Variants in CTNNA3 observed in about 807,000 individuals in gnomAD.
CTNNA3 encodes the protein catenin alpha 3, also known as catenin alpha-3.
Under a neutral mutation model 95.7 loss-of-function variants are expected in CTNNA3, and 76 were observed. The ratio of observed to expected loss-of-function variants is 0.79; its 90% CI spans 0.66 to 0.96. The LOEUF is 0.96. Among genes scored for constraint, CTNNA3 ranks in the 40% least tolerant of loss-of-function variants. The pLI is 0.00. For synonymous variants in CTNNA3, 431 were observed against 374.4 expected (o/e 1.15, Z -1.74); for missense variants, 1,191 against 1,089.8 (o/e 1.09, Z -1.31).
intron 7 of CTNNA3, among the ~76,000 whole-genome samples, chr10:66,996,383 C>T (rs549018092): frequency 5.9e-5 from 9 of 152,172 alleles, no homozygotes; most frequent in East Asian, 3.9e-4. Context: ...CAATGGCTCA[C>T]GCCTGTAATC....
chr10:66,839,833 C>T (rs528406530), intron 7 of CTNNA3, among the ~76,000 whole-genome samples: 56 of 152,128 alleles, frequency 3.7e-4, no homozygotes, highest in Middle Eastern at 6.8e-3. Context: ...GTTTTTCTGT[C>T]TTAATAATTT....
chr10:66,715,921 TA>T (rs1248558918), intron 9 of CTNNA3, among the ~76,000 whole-genome samples: 1 of 151,374 alleles, frequency 6.6e-6, no homozygotes, highest in Non-Finnish European at 1.5e-5. Flanking sequence ...AAAATAAAAT[TA>T]TTTTTTTCAT....
chr10:67,693,583 T>A (rs7893446), intron 1 of CTNNA3, among the ~76,000 whole-genome samples: 1 of 152,018 alleles, frequency 6.6e-6, no homozygotes, highest in East Asian at 1.9e-4. Context: ...TAGCTATGGT[T>A]TTTCTCTAAA....
intron 7 of CTNNA3, among the ~76,000 whole-genome samples, chr10:67,145,680 T>C (rs1860805783): frequency 6.6e-6 from 1 of 152,042 alleles, no homozygotes; most frequent in South Asian, 2.1e-4. Context: ...CCACCTGCCT[T>C]GGCCTCCCAA....
intron 16 of CTNNA3, among the ~76,000 whole-genome samples, chr10:65,972,568 G>C (rs2078126156): frequency 6.6e-6 from 1 of 151,902 alleles, no homozygotes; most frequent in East Asian, 1.9e-4. Context: ...ACCAAATCAA[G>C]AACTCAACTC....
intron 3 of CTNNA3, among the ~76,000 whole-genome samples, chr10:67,556,867 T>C (rs888927545): frequency 6.6e-6 from 1 of 152,220 alleles, no homozygotes; most frequent in South Asian, 2.1e-4. Context: ...TTTTGGATCT[T>C]TCCTGCTTTC....
intron 13 of CTNNA3, among the ~76,000 whole-genome samples, chr10:66,127,522 G>A (rs1268401749): frequency 6.6e-6 from 1 of 151,894 alleles, no homozygotes; most frequent in Non-Finnish European, 1.5e-5. Context: ...CCTGAAAACT[G>A]TCAAGTTCGC....
chr10:66,407,583 C>A (rs1470423030), intron 11 of CTNNA3, among the ~76,000 whole-genome samples: 2 of 129,768 alleles, frequency 1.5e-5, no homozygotes, highest in African/African-American at 3.4e-5. Flanking sequence ...ACAACTTTTA[C>A]ATATTTTTTT....
chr10:66,600,373 T>G (rs979681002), intron 10 of CTNNA3, among the ~76,000 whole-genome samples: 9 of 151,852 alleles, frequency 5.9e-5, no homozygotes, highest in African/African-American at 2.2e-4. Flanking sequence ...CTCATGTGCG[T>G]GTTCAAGGGA....
chr10:66,507,925 A>G (rs1840508622), intron 11 of CTNNA3, among the ~76,000 whole-genome samples: 1 of 149,044 alleles, frequency 6.7e-6, no homozygotes, highest in African/African-American at 2.5e-5. Context: ...AGAAACCTCA[A>G]TAGTATTTTC....
At chr10:66,361,900 T>G (rs1028234751) in intron 12 of CTNNA3, among the ~76,000 whole-genome samples, 33 of 151,964 alleles carry the variant, frequency 2.2e-4, no homozygotes, top group Middle Eastern at 6.3e-3. Flanking sequence ...TCCACTTACC[T>G]TCTGTTTCTT....
intron 5 of CTNNA3, among the ~76,000 whole-genome samples, chr10:67,260,317 T>C (rs865900472): frequency 7.5e-4 from 114 of 152,336 alleles, no homozygotes; most frequent in Middle Eastern, 3.4e-3. Flanking sequence ...GGAAGTCTTA[T>C]GTATGAAAAG....
rs139508939 is a variant in CTNNA3 at position 66,616,435 on chromosome 10, T to G, written c.1374+5257A>C. 8.0e-3 allele frequency among the ~76,000 whole-genome samples: 1,217 copies of G among 152,220 alleles called. 20 individuals carry two copies. The highest frequency in any genetic ancestry group is 0.027 in the African/African-American group (1,136 of 41,566). ...CCTTCAGAACAAGTCATTCACATCA[T>G]AGTCCTTTAAAGATATAATGAGAGT... On this transcript the variant is annotated intron_variant, in intron 10 of 17. Coordinates refer to ENST00000433211, the MANE Select transcript of CTNNA3 (RefSeq NM_013266.4).
At chr10:66,783,968 G>T (rs1840640636) in intron 7 of CTNNA3, among the ~76,000 whole-genome samples, 1 of 152,068 alleles carries the variant, frequency 6.6e-6, no homozygotes. Flanking sequence ...TTGAATAATA[G>T]ACTGTCAAAG....
At chr10:66,944,861 T>C (rs1848200364) in intron 7 of CTNNA3, among the ~76,000 whole-genome samples, 1 of 152,192 alleles carries the variant, frequency 6.6e-6, no homozygotes, top group Admixed American at 6.5e-5. Context: ...AGATGCATTA[T>C]CAGTGAGCAG....
chr10:67,380,763 T>C (rs1843910807), intron 5 of CTNNA3, among the ~76,000 whole-genome samples: 2 of 152,336 alleles, frequency 1.3e-5, no homozygotes, highest in South Asian at 2.1e-4. Context: ...AGAACTGATA[T>C]GATTTGAGTA....
At chr10:65,961,970 G>A (rs2077853963) in intron 17 of CTNNA3, among the ~76,000 whole-genome samples, 1 of 152,058 alleles carries the variant, frequency 6.6e-6, no homozygotes, top group Non-Finnish European at 1.5e-5. Context: ...ATTCCCTGGT[G>A]ACTTTGTGAA....
At chr10:67,150,422 T>C (rs1234905659) in intron 7 of CTNNA3, among the ~76,000 whole-genome samples, 2 of 152,170 alleles carry the variant, frequency 1.3e-5, no homozygotes, top group Non-Finnish European at 2.9e-5. Flanking sequence ...ATTTTGGCCA[T>C]TTGCTTAAAT....
At chr10:67,158,624 G>A (rs951237218) in intron 7 of CTNNA3, among the ~76,000 whole-genome samples, 11 of 152,112 alleles carry the variant, frequency 7.2e-5, no homozygotes, top group East Asian at 5.8e-4. Context: ...AGTGTAGCAC[G>A]AATTGGACCC....
Sources: gnomAD v4.1 joint callset for allele counts (sites outside exome capture counted in the v4.1 genomes callset) on GRCh38, gnomAD v4.1.1 for gene constraint, MANE v1.5 for transcripts, NCBI Gene and HGNC (gene_info 2026-07-23, HGNC 2026-07-21) for gene names.